CYP7B1: variants seen among roughly 807,000 people sequenced by gnomAD.
CYP7B1 encodes cytochrome P450 7B1.
In CYP7B1, 29 loss-of-function variants were observed where a neutral mutation model predicts 42.7. That is an observed-to-expected ratio of 0.68 (90% CI 0.51 to 0.93). The LOEUF is 0.93. CYP7B1 is among the 40% of genes least tolerant of loss of function. The pLI is 0.00. For missense variants in CYP7B1, 655 were observed against 600.5 expected (o/e 1.09, Z -0.95); for synonymous variants, 235 against 218.2 (o/e 1.08, Z -0.68).
intron 1 of CYP7B1, among the ~76,000 whole-genome samples, chr8:64,733,731 G>A (rs1425526242): frequency 6.6e-6 from 1 of 152,158 alleles, no homozygotes; most frequent in East Asian, 1.9e-4. Context: ...AGCTGCCTGG[G>A]AGGCTGAGGC....
At chr8:64,785,783 T>A (rs757854588) in intron 1 of CYP7B1, among the ~76,000 whole-genome samples, 2 of 152,146 alleles carry the variant, frequency 1.3e-5, no homozygotes, top group Non-Finnish European at 2.9e-5. Context: ...TGTAACTGTA[T>A]TAGTTCATTT....
chr8:64,684,109 G>A (rs554676344), intron 1 of CYP7B1, among the ~76,000 whole-genome samples: 1 of 152,332 alleles, frequency 6.6e-6, no homozygotes, highest in East Asian at 1.9e-4. Context: ...TAAACCCCAT[G>A]AGGGCACAGG....
At chr8:64,740,809 T>C (rs1393258098) in intron 1 of CYP7B1, among the ~76,000 whole-genome samples, 1 of 152,132 alleles carries the variant, frequency 6.6e-6, no homozygotes, top group East Asian at 1.9e-4. Context: ...AAAGGAGGAA[T>C]ATATCTTTTG....
intron 1 of CYP7B1, among the ~76,000 whole-genome samples, chr8:64,639,863 T>C (rs1805827478): frequency 6.6e-6 from 1 of 152,120 alleles, no homozygotes; most frequent in African/African-American, 2.4e-5. Flanking sequence ...ATAATTCATA[T>C]GTCTATTGAT....
At chr8:64,759,859 G>C (rs543606243) in intron 1 of CYP7B1, among the ~76,000 whole-genome samples, 1 of 151,968 alleles carries the variant, frequency 6.6e-6, no homozygotes, top group South Asian at 2.1e-4. Flanking sequence ...GCACATCATG[G>C]GTAACATGGA....
chr8:64,770,315 G>C (rs912377568), intron 1 of CYP7B1, among the ~76,000 whole-genome samples: 4 of 152,160 alleles, frequency 2.6e-5, no homozygotes, highest in Admixed American at 6.5e-5. Context: ...AGATCTTAGA[G>C]TTCCCAGAAA....
At chr8:64,652,880 A>C (rs1418196640) in intron 1 of CYP7B1, among the ~76,000 whole-genome samples, 4 of 152,130 alleles carry the variant, frequency 2.6e-5, no homozygotes, top group Admixed American at 1.3e-4. Context: ...AAAAACTAAA[A>C]AACAACAACA....
chr8:64,645,635 T>C (rs1192927060), intron 1 of CYP7B1, among the ~76,000 whole-genome samples: 1 of 152,150 alleles, frequency 6.6e-6, no homozygotes, highest in Non-Finnish European at 1.5e-5. Flanking sequence ...AGGTAATTTA[T>C]AGATTAAATG....
At chr8:64,715,286 ATAAC>A (rs1431469444) in intron 1 of CYP7B1, among the ~76,000 whole-genome samples, 5 of 152,246 alleles carry the variant, frequency 3.3e-5, no homozygotes, top group African/African-American at 1.2e-4. Flanking sequence ...TGTAAAAAGA[ATAAC>A]TAATCTTTTG....
rs147004717 is a variant in CYP7B1 at position 64,705,960 on chromosome 8, G to T, written c.123-81421C>A. 4.9e-4 allele frequency among the ~76,000 whole-genome samples: 74 copies of T among 152,114 alleles called. 2 individuals are homozygous for T. The East Asian group carries it at 0.014, about 29-fold the overall frequency. On this transcript the variant is annotated intron_variant, in intron 1 of 5. Transcript: ENST00000310193. ...GGTATTTAGAGCATTTAACATTGTG[G>T]TGTATAAGCCCTCTGAACTCCAACG... is the stretch of plus-strand genomic sequence containing the variant.
At chr8:64,632,724 A>G (rs985705656) in intron 1 of CYP7B1, among the ~76,000 whole-genome samples, 5 of 152,146 alleles carry the variant, frequency 3.3e-5, no homozygotes, top group Non-Finnish European at 7.4e-5. Flanking sequence ...AAAAAAATCT[A>G]CAGCTTACAT....
At position 64,596,481 on chromosome 8, in the gene CYP7B1, C is replaced by T. The variant is rs981339152; in HGVS notation, c.*161G>A. On this transcript the variant is annotated 3_prime_UTR_variant, in exon 6 of 6. Coordinates refer to ENST00000310193, the MANE Select transcript of CYP7B1 (RefSeq NM_004820.5). ...CCATCCTGTTTTATATTATGATGGG[C>T]TTTGTGACTAAGGACAAACTGGACT... 13 of 707,340 alleles carry T rather than the reference C, an allele frequency of 1.8e-5. No individual in the cohort carries two copies. Among genetic ancestry groups the T allele is most frequent in the Non-Finnish European group, 2.7e-5 (12 of 444,022 alleles). The allele number at this position is 707,340 out of a possible 1,614,324, so 43.8% of individuals were successfully genotyped here.
chr8:64,691,483 G>GC (rs1554532281), intron 1 of CYP7B1, among the ~76,000 whole-genome samples: 5 of 15,538 alleles, frequency 3.2e-4, no homozygotes, highest in Non-Finnish European at 8.6e-4. Context: ...GATGGCAACT[G>GC]GGGGGGGGGG....
chr8:64,701,362 G>A (rs1012854878), intron 1 of CYP7B1, among the ~76,000 whole-genome samples: 2 of 151,906 alleles, frequency 1.3e-5, no homozygotes, highest in African/African-American at 4.8e-5. Flanking sequence ...AAGACCCACT[G>A]GCTGCTATGG....
intron 1 of CYP7B1, among the ~76,000 whole-genome samples, chr8:64,745,771 C>T (rs1807635047): frequency 6.6e-6 from 1 of 152,186 alleles, no homozygotes; most frequent in African/African-American, 2.4e-5. Context: ...ACAATCTTTT[C>T]AGATCAATAT....
At chr8:64,768,167 G>A (rs1804140825) in intron 1 of CYP7B1, among the ~76,000 whole-genome samples, 1 of 152,060 alleles carries the variant, frequency 6.6e-6, no homozygotes, top group Non-Finnish European at 1.5e-5. Context: ...TAGCAAAGAG[G>A]GTTCACTAAA....
At chr8:64,779,312 G>A (rs1804379858) in intron 1 of CYP7B1, among the ~76,000 whole-genome samples, 1 of 151,894 alleles carries the variant, frequency 6.6e-6, no homozygotes, top group African/African-American at 2.4e-5. Context: ...TATCATAAGA[G>A]GATTCAATAA....
intron 1 of CYP7B1, among the ~76,000 whole-genome samples, chr8:64,728,545 G>A (rs34781030): frequency 0.23 from 35,441 of 152,030 alleles, 4,631 homozygotes; most frequent in African/African-American, 0.34. Context: ...TTCTCCTTCC[G>A]GATGTATTCA....
At chr8:64,624,357 T>C (rs760523463) in intron 2 of CYP7B1, 46 bp downstream of exon 2, 8 of 1,571,352 alleles carry the variant, frequency 5.1e-6, no homozygotes, top group Non-Finnish European at 7.0e-6. Flanking sequence ...AAAGAACAAG[T>C]GAAAAATGAT....
Sources: gnomAD v4.1 joint callset for allele counts (sites outside exome capture counted in the v4.1 genomes callset) on GRCh38, gnomAD v4.1.1 for gene constraint, MANE v1.5 for transcripts, NCBI Gene and HGNC (gene_info 2026-07-23, HGNC 2026-07-21) for gene names.